Variants in PLCL2 observed in about 807,000 individuals in gnomAD.
PLCL2 encodes the protein inactive phospholipase C-like protein 2.
PLCL2 carries 4 observed loss-of-function variants against 79.6 expected under a neutral mutation model. That is an observed-to-expected ratio of 0.05 (90% CI 0.02 to 0.11). PLCL2 has a LOEUF of 0.11. Ranked by LOEUF, PLCL2 falls within the 10% of genes least tolerant of loss-of-function variation. The pLI is 1.00. For missense variants in PLCL2, 895 were observed against 1,291.0 expected, an observed-to-expected ratio of 0.69 and a Z score of 4.70; for synonymous variants, 484 against 457.7, an observed-to-expected ratio of 1.06 and a Z score of -0.73.
chr3:16,990,268 C>T (rs2064091556), intron 1 of PLCL2, among the ~76,000 whole-genome samples: 1 of 151,978 alleles, frequency 6.6e-6, no homozygotes. Context: ...TATTGTAGTC[C>T]CTGTTTTAGG....
chr3:17,051,252 G>T (rs2064835530), intron 4 of PLCL2, among the ~76,000 whole-genome samples: 1 of 151,952 alleles, frequency 6.6e-6, no homozygotes, highest in Non-Finnish European at 1.5e-5. Flanking sequence ...AGCGCAACAG[G>T]GGTGCTGTAG....
At chr3:17,022,857 A>T (rs1190938986) in intron 3 of PLCL2, among the ~76,000 whole-genome samples, 1 of 152,188 alleles carries the variant, frequency 6.6e-6, no homozygotes, top group African/African-American at 2.4e-5. Context: ...AGGGAGGTAG[A>T]TGTCCCTGGA....
In PLCL2 at chr3:17,011,319, A is replaced by C; in HGVS notation, c.1973A>C (p.Asn658Thr). Residue 658 changes from asparagine to threonine, a missense_variant, in exon 2 of 6, where the codon AAT becomes ACT. Asn to Thr is a moderately conservative substitution (Grantham distance 65). This residue lies in a region of PLCL2 where 242 missense variants were observed against 399.5 expected (regional missense o/e 0.61). Transcript: ENST00000615277. The surrounding 1 kb of genome is among the most constrained non-coding windows in gnomAD (Gnocchi z 7.9). Reference sequence around the variant, plus strand: ...GAAGTGCTTGCCAGCAAGTACGCCAATGAAAATCCAGGGGACTTTGTAAAT... The same window carrying C: ...GAAGTGCTTGCCAGCAAGTACGCCACTGAAAATCCAGGGGACTTTGTAAAT... ...FNEVLASKYA[N>T]ENPGDFVNYN... 1 of 1,614,226 alleles carries C rather than the reference A, an allele frequency of 6.2e-7. No homozygotes were observed.
At chr3:17,081,090 T>C (rs565305413) in intron 5 of PLCL2, 9 of 440,228 alleles carry the variant, frequency 2.0e-5, no homozygotes, top group African/African-American at 1.4e-4. Context: ...GAAACGAGAA[T>C]GGTAATAGCA....
intron 5 of PLCL2, among the ~76,000 whole-genome samples, chr3:17,072,321 T>C (rs530822215): frequency 3.3e-5 from 5 of 152,288 alleles, no homozygotes; most frequent in East Asian, 1.9e-4. Context: ...TTGCTGGGTA[T>C]TTTTAAAGCT....
At chr3:17,086,346 T>G (rs868535568) in intron 5 of PLCL2, among the ~76,000 whole-genome samples, 2 of 152,346 alleles carry the variant, frequency 1.3e-5, no homozygotes, top group Middle Eastern at 6.8e-3. Flanking sequence ...AGACTTCATC[T>G]TTTCAACAAT....
chr3:16,952,697 T>A (rs2124960729), intron 1 of PLCL2, among the ~76,000 whole-genome samples: 1 of 152,208 alleles, frequency 6.6e-6, no homozygotes. Flanking sequence ...AATAAAAGGT[T>A]ATTTTTGAAT....
At chr3:17,035,748 T>C (rs747156024) in intron 3 of PLCL2, 12 of 516,156 alleles carry the variant, frequency 2.3e-5, no homozygotes, top group African/African-American at 1.9e-4. Flanking sequence ...ACTCCTCTTC[T>C]ATCCATGTTT....
At chr3:17,051,748 A>G (rs2064841266) in intron 4 of PLCL2, among the ~76,000 whole-genome samples, 1 of 152,220 alleles carries the variant, frequency 6.6e-6, no homozygotes, top group African/African-American at 2.4e-5. Flanking sequence ...GTTGTACAAC[A>G]TGGAGGCCTG....
Position 16,995,503 on chromosome 3 carries a change from C to T in PLCL2, c.328-14171C>T, listed in dbSNP as rs967384213. ...GGCTAGCTTTTTTCTGATCCTTCCC[C>T]CAGGCTTGTGAGCTTCTTCCAACAT... On this transcript the variant is annotated intron_variant, in intron 1 of 5. Coordinates refer to ENST00000615277, the MANE Select transcript of PLCL2 (RefSeq NM_001144382.2). 2.6e-5 allele frequency among the ~76,000 whole-genome samples: 4 copies of T among 152,220 alleles called. No individual in the cohort carries two copies. In the East Asian group the frequency reaches 7.7e-4, roughly 29 times the overall value.
chr3:17,023,452 C>G (rs1263148518), intron 3 of PLCL2, among the ~76,000 whole-genome samples: 1 of 152,148 alleles, frequency 6.6e-6, no homozygotes, highest in African/African-American at 2.4e-5. Context: ...GGGGGCCAGT[C>G]TTTCCTGTGC....
chr3:17,015,955 A>C (rs539110221), intron 3 of PLCL2, among the ~76,000 whole-genome samples: 1 of 152,350 alleles, frequency 6.6e-6, no homozygotes, highest in South Asian at 2.1e-4. Flanking sequence ...GGATGTTAGT[A>C]AATATCACAT....
chr3:16,954,920 A>G (rs1047636958), intron 1 of PLCL2, among the ~76,000 whole-genome samples: 1 of 152,170 alleles, frequency 6.6e-6, no homozygotes, highest in South Asian at 2.1e-4. Flanking sequence ...TAGATTCTGG[A>G]TATCAGCCCT....
At chr3:17,053,649 G>T (rs1172531071) in intron 4 of PLCL2, among the ~76,000 whole-genome samples, 4 of 152,146 alleles carry the variant, frequency 2.6e-5, no homozygotes, top group Non-Finnish European at 5.9e-5. Flanking sequence ...CCACCTATAA[G>T]CCTGTAAAAT....
intron 1 of PLCL2, among the ~76,000 whole-genome samples, chr3:16,885,597 G>C (rs529438444): frequency 2.0e-5 from 3 of 152,292 alleles, no homozygotes; most frequent in African/African-American, 7.2e-5. Context: ...GTTGAACTTG[G>C]GGCTGTCACC....
At chr3:16,905,687 A>G (rs1422869310) in intron 1 of PLCL2, among the ~76,000 whole-genome samples, 1 of 152,254 alleles carries the variant, frequency 6.6e-6, no homozygotes, top group Non-Finnish European at 1.5e-5. Flanking sequence ...TCAAATTTTC[A>G]AAGGGATCTG....
At chr3:16,973,209 G>A (rs2063891704) in intron 1 of PLCL2, among the ~76,000 whole-genome samples, 1 of 152,120 alleles carries the variant, frequency 6.6e-6, no homozygotes, top group Admixed American at 6.6e-5. Flanking sequence ...TTGTCTGTCT[G>A]AAAATGATCT....
chr3:17,048,313 A>G (rs1309769130), intron 4 of PLCL2, among the ~76,000 whole-genome samples: 1 of 152,184 alleles, frequency 6.6e-6, no homozygotes, highest in Non-Finnish European at 1.5e-5. Context: ...GTCCACATAT[A>G]TGTGAGTTTT....
At chr3:17,053,912 A>G (rs887976202) in intron 4 of PLCL2, among the ~76,000 whole-genome samples, 3 of 152,096 alleles carry the variant, frequency 2.0e-5, no homozygotes, top group African/African-American at 7.2e-5. Flanking sequence ...TGTCCTGACT[A>G]TTAGTATTTG....
Sources: allele counts gnomAD v4.1 joint callset (sites outside exome capture counted in the v4.1 genomes callset), GRCh38; gene constraint gnomAD v4.1.1; regional missense constraint gnomAD v4.1.1; non-coding constraint Gnocchi (gnomAD v3.1); transcripts MANE v1.5; gene names NCBI Gene and HGNC (gene_info 2026-07-23, HGNC 2026-07-21).